Variants in KCNMA1 observed in about 807,000 individuals in gnomAD.
KCNMA1 encodes Calcium-activated potassium channel subunit alpha-1.
A neutral mutation model predicts 140.0 loss-of-function variants in KCNMA1; 29 were observed. That is an observed-to-expected ratio of 0.21 (90% CI 0.15 to 0.28). The LOEUF is 0.28. Among genes scored for constraint, KCNMA1 ranks in the 10% least tolerant of loss-of-function variants. The probability of loss-of-function intolerance (pLI) is 1.00; values close to 1 mark genes in which losing one functional copy is unlikely to be tolerated. For missense variants in KCNMA1, 880 were observed against 1,602.2 expected, an observed-to-expected ratio of 0.55 and a Z score of 7.70; for synonymous variants, 612 against 611.9, an observed-to-expected ratio of 1.00 and a Z score of 0.00.
intron 3 of KCNMA1, among the ~76,000 whole-genome samples, chr10:77,186,268 C>T (rs1475898229): frequency 6.6e-6 from 1 of 151,742 alleles, no homozygotes; most frequent in Non-Finnish European, 1.5e-5. Context: ...TCCCAAATCA[C>T]GTGGAAAAAT....
intron 1 of KCNMA1, among the ~76,000 whole-genome samples, chr10:77,622,538 G>T (rs542272363): frequency 6.6e-6 from 1 of 152,326 alleles, no homozygotes; most frequent in East Asian, 1.9e-4. Flanking sequence ...TCACTGGGTT[G>T]TTGTGAGGAT....
At chr10:76,990,984 A>G (rs1008237151) in intron 19 of KCNMA1, among the ~76,000 whole-genome samples, 6 of 152,150 alleles carry the variant, frequency 3.9e-5, no homozygotes, top group Non-Finnish European at 8.8e-5. Context: ...TCCACGCGGG[A>G]GGAATCATTT....
intron 6 of KCNMA1, among the ~76,000 whole-genome samples, chr10:77,118,052 T>C (rs2097522578): frequency 6.6e-6 from 1 of 152,226 alleles, no homozygotes; most frequent in Non-Finnish European, 1.5e-5. Context: ...GCCAAAGTAC[T>C]GGAAATGAAA....
At chr10:77,012,080 A>T in intron 17 of KCNMA1, 37 bp from the exon 18 acceptor site, 1 of 1,612,344 alleles carries the variant, frequency 6.2e-7, no homozygotes, top group Non-Finnish European at 8.5e-7. Flanking sequence ...CACGTTTCAT[A>T]ATCCACCCAA....
intron 3 of KCNMA1, among the ~76,000 whole-genome samples, chr10:77,199,942 T>C (rs565244477): frequency 6.6e-5 from 10 of 152,212 alleles, no homozygotes; most frequent in Admixed American, 1.3e-4. Flanking sequence ...GTTTATTTAT[T>C]TTTTATTTTT....
intron 1 of KCNMA1, among the ~76,000 whole-genome samples, chr10:77,520,654 C>T (rs999561714): frequency 1.3e-5 from 2 of 152,040 alleles, no homozygotes; most frequent in African/African-American, 4.8e-5. Context: ...AGCCAATATC[C>T]AGCAGCCACC....
intron 1 of KCNMA1, among the ~76,000 whole-genome samples, chr10:77,607,955 C>T (rs1455149836): frequency 6.6e-6 from 1 of 152,132 alleles, no homozygotes; most frequent in African/African-American, 2.4e-5. Context: ...GAGACCCATC[C>T]CTGCCTTCCC....
chr10:77,390,320 C>G (rs571023230), intron 2 of KCNMA1, among the ~76,000 whole-genome samples: 2 of 152,308 alleles, frequency 1.3e-5, no homozygotes, highest in African/African-American at 4.8e-5. Context: ...CTCCCATATC[C>G]AGAATTGATC....
chr10:77,324,940 ACTCT>A (rs3068755), intron 2 of KCNMA1, among the ~76,000 whole-genome samples: 2,176 of 93,374 alleles, frequency 0.023, 32 homozygotes, highest in East Asian at 0.07. Context: ...ATAGCTCTAG[ACTCT>A]CTCTCTCTCT....
intron 1 of KCNMA1, among the ~76,000 whole-genome samples, chr10:77,624,925 A>C (rs1258603932): frequency 7.1e-6 from 1 of 141,214 alleles, no homozygotes; most frequent in African/African-American, 2.7e-5. Flanking sequence ...CTTTAGAGGA[A>C]GAATATCAGC....
intron 18 of KCNMA1, among the ~76,000 whole-genome samples, chr10:77,002,216 C>G (rs185293913): frequency 6.6e-6 from 1 of 152,244 alleles, no homozygotes; most frequent in East Asian, 1.9e-4. Context: ...TTACTCTTGA[C>G]AGAACAAATA....
At chr10:77,295,796 A>C (rs1248253229) in intron 2 of KCNMA1, among the ~76,000 whole-genome samples, 4 of 148,758 alleles carry the variant, frequency 2.7e-5, no homozygotes, top group Non-Finnish European at 6.0e-5. Context: ...TCAAAAAAAA[A>C]AAAAAAAAAA....
chr10:77,177,903 C>T (rs1172433643), intron 5 of KCNMA1, among the ~76,000 whole-genome samples: 1 of 152,192 alleles, frequency 6.6e-6, no homozygotes, highest in African/African-American at 2.4e-5. Context: ...ACTTTAGTCT[C>T]AAACAGGAAC....
intron 3 of KCNMA1, among the ~76,000 whole-genome samples, chr10:77,231,881 T>C (rs963855476): frequency 2.0e-5 from 3 of 152,210 alleles, no homozygotes; most frequent in African/African-American, 4.8e-5. Flanking sequence ...AATGGGACAA[T>C]CAATTTTAAA....
chr10:77,404,519 C>A (rs1032300990), intron 1 of KCNMA1, among the ~76,000 whole-genome samples: 1 of 152,096 alleles, frequency 6.6e-6, no homozygotes, highest in African/African-American at 2.4e-5. Flanking sequence ...CTCAAGTGAT[C>A]CGCCCACCTC....
At chr10:77,442,565 C>G (rs770231945) in intron 1 of KCNMA1, among the ~76,000 whole-genome samples, 7 of 152,144 alleles carry the variant, frequency 4.6e-5, no homozygotes, top group Non-Finnish European at 8.8e-5. Context: ...AGCTTCCCCA[C>G]CTGTACAATG....
At chr10:76,968,781 A>G (rs2074960474) in intron 20 of KCNMA1, among the ~76,000 whole-genome samples, 1 of 152,348 alleles carries the variant, frequency 6.6e-6, no homozygotes, top group South Asian at 2.1e-4. Flanking sequence ...AGATGGTGAT[A>G]TGGAAAAGGA....
chr10:77,055,318 C>G (rs567729509), intron 14 of KCNMA1, among the ~76,000 whole-genome samples: 1 of 152,246 alleles, frequency 6.6e-6, no homozygotes, highest in South Asian at 2.1e-4. Flanking sequence ...TATCCTCTAG[C>G]CTGACCTCGA....
At chr10:77,329,719 C>T (rs540416116) in intron 2 of KCNMA1, among the ~76,000 whole-genome samples, 1 of 152,174 alleles carries the variant, frequency 6.6e-6, no homozygotes, top group South Asian at 2.1e-4. Context: ...ATTGCAAAGA[C>T]ATGACAGAAA....
Sources: gnomAD v4.1 joint callset for allele counts (sites outside exome capture counted in the v4.1 genomes callset) on GRCh38, gnomAD v4.1.1 for gene constraint, MANE v1.5 for transcripts, NCBI Gene and HGNC (gene_info 2026-07-23, HGNC 2026-07-21) for gene names.